The following DLG2 variants were observed in gnomAD, a reference collection of about 807,000 sequenced individuals.
DLG2 encodes disks large homolog 2.
Under a neutral mutation model 132.5 loss-of-function variants are expected in DLG2, and 45 were observed. The ratio of observed to expected loss-of-function variants is 0.34; its 90% CI spans 0.27 to 0.44. DLG2 has a LOEUF of 0.44. Ranked by LOEUF, DLG2 falls within the 20% of genes least tolerant of loss-of-function variation. The pLI is 1.00. For synonymous variants in DLG2, 424 were observed against 419.6 expected (o/e 1.01, Z -0.13); for missense variants, 1,045 against 1,196.9 (o/e 0.87, Z 1.87).
chr11:84,664,123 T>C (rs990858091), intron 6 of DLG2, among the ~76,000 whole-genome samples: 3 of 152,214 alleles, frequency 2.0e-5, no homozygotes, highest in East Asian at 3.9e-4. Flanking sequence ...CCATGAAATA[T>C]AGTCTTAACA....
At chr11:83,825,854 T>G (rs2153987777) in intron 17 of DLG2, among the ~76,000 whole-genome samples, 1 of 152,326 alleles carries the variant, frequency 6.6e-6, no homozygotes, top group South Asian at 2.1e-4. Context: ...GTCTGGCATC[T>G]GTGGCACTAC....
chr11:85,055,879 T>C lies in DLG2; in HGVS notation c.357+55782A>G, dbSNP rs181611024. 1.5e-3 allele frequency among the ~76,000 whole-genome samples: 230 copies of C among 152,194 alleles called. 2 individuals carry two copies. The highest frequency in any genetic ancestry group is 5.4e-3 in the African/African-American group (224 of 41,528). On this transcript the variant is annotated intron_variant, in intron 6 of 27. Coordinates refer to ENST00000376104, the MANE Select transcript of DLG2 (RefSeq NM_001142699.3). ...TTAGGGTTAAGGTTGGGGATAGATA[T>C]AGGGGAACAAACTAAAAATAGAACT...
At chr11:84,274,150 T>C (rs2097763235) in intron 7 of DLG2, among the ~76,000 whole-genome samples, 1 of 152,084 alleles carries the variant, frequency 6.6e-6, no homozygotes, top group South Asian at 2.1e-4. Flanking sequence ...ATGAACAGAA[T>C]TTAGGGACAT....
chr11:83,975,323 A>G (rs1460855863), intron 12 of DLG2, among the ~76,000 whole-genome samples: 1 of 152,048 alleles, frequency 6.6e-6, no homozygotes, highest in African/African-American at 2.4e-5. Context: ...ACAATCCACA[A>G]AATCCAATGT....
intron 7 of DLG2, among the ~76,000 whole-genome samples, chr11:84,284,448 C>G (rs2097887046): frequency 6.6e-6 from 1 of 152,184 alleles, no homozygotes; most frequent in South Asian, 2.1e-4. Flanking sequence ...GCTTAAGAGA[C>G]GCGAGTCATC....
chr11:84,491,350 G>A (rs778227052), intron 7 of DLG2, among the ~76,000 whole-genome samples: 8 of 151,986 alleles, frequency 5.3e-5, no homozygotes, highest in East Asian at 1.9e-4. Context: ...TTTGCCTGCC[G>A]CCATCCACGT....
At chr11:85,355,777 C>G (rs1056831995) in intron 3 of DLG2, among the ~76,000 whole-genome samples, 1 of 152,112 alleles carries the variant, frequency 6.6e-6, no homozygotes, top group African/African-American at 2.4e-5. Flanking sequence ...TAACAATTTC[C>G]CATGATTCCT....
At chr11:84,690,465 AAAAAG>A (rs2153724018) in intron 6 of DLG2, among the ~76,000 whole-genome samples, 1 of 151,898 alleles carries the variant, frequency 6.6e-6, no homozygotes, top group Admixed American at 6.6e-5. Flanking sequence ...AAAAAAAAAG[AAAAAG>A]AAAAGTCACT....
intron 6 of DLG2, among the ~76,000 whole-genome samples, chr11:84,928,305 C>T (rs1407580626): frequency 1.3e-5 from 2 of 151,852 alleles, no homozygotes; most frequent in African/African-American, 2.4e-5. Context: ...GGTTTAAATT[C>T]CTTTTCTTGC....
At chr11:84,607,865 G>T (rs1052910080) in intron 6 of DLG2, among the ~76,000 whole-genome samples, 7 of 151,946 alleles carry the variant, frequency 4.6e-5, no homozygotes, top group Non-Finnish European at 1.5e-5. Context: ...AAATGTTAGT[G>T]GTCTCCCCTC....
At chr11:85,295,509 G>T (rs192522558) in intron 3 of DLG2, among the ~76,000 whole-genome samples, 1 of 152,122 alleles carries the variant, frequency 6.6e-6, no homozygotes, top group Non-Finnish European at 1.5e-5. Context: ...TGTTAGAGAT[G>T]GAGAAACTGA....
chr11:85,323,339 A>G (rs1210713020), intron 3 of DLG2, among the ~76,000 whole-genome samples: 1 of 152,258 alleles, frequency 6.6e-6, no homozygotes, highest in Non-Finnish European at 1.5e-5. Flanking sequence ...TGTTGCACAG[A>G]TAATTACTTA....
At chr11:85,150,781 C>G (rs577735881) in intron 5 of DLG2, among the ~76,000 whole-genome samples, 7 of 148,326 alleles carry the variant, frequency 4.7e-5, no homozygotes, top group African/African-American at 1.7e-4. Flanking sequence ...CTTCTGTTAA[C>G]GGACATTTGG....
At chr11:84,389,787 G>A (rs1434755801) in intron 7 of DLG2, among the ~76,000 whole-genome samples, 2 of 152,120 alleles carry the variant, frequency 1.3e-5, no homozygotes, top group African/African-American at 4.8e-5. Flanking sequence ...AATTCCTACA[G>A]TAAGAAATGC....
At chr11:83,653,475 ATTTAT>A (rs770503360) in intron 18 of DLG2, among the ~76,000 whole-genome samples, 6 of 152,162 alleles carry the variant, frequency 3.9e-5, no homozygotes, top group Non-Finnish European at 8.8e-5. Context: ...CCCAAATTAA[ATTTAT>A]TTTGTCTGTA....
intron 18 of DLG2, among the ~76,000 whole-genome samples, chr11:83,736,163 T>C (rs1214491989): frequency 1.3e-5 from 2 of 152,202 alleles, no homozygotes; most frequent in African/African-American, 2.4e-5. Context: ...ATGAGGAGCA[T>C]GATAGTATAT....
intron 3 of DLG2, among the ~76,000 whole-genome samples, chr11:85,417,970 T>G (rs1216564303): frequency 6.6e-6 from 1 of 152,160 alleles, no homozygotes; most frequent in East Asian, 1.9e-4. Flanking sequence ...TATTTCTTGC[T>G]TTCTGCTATT....
chr11:84,737,502 C>CAGAGAG (rs34535735), intron 6 of DLG2, among the ~76,000 whole-genome samples: 71 of 147,100 alleles, frequency 4.8e-4, no homozygotes, highest in Non-Finnish European at 6.0e-4. Flanking sequence ...AAGAAAGAGA[C>CAGAGAG]AGAGAGAGAG....
At chr11:85,589,951 C>T (rs1344516005) in intron 3 of DLG2, among the ~76,000 whole-genome samples, 1 of 152,080 alleles carries the variant, frequency 6.6e-6, no homozygotes, top group Non-Finnish European at 1.5e-5. Flanking sequence ...AGTATCTAAA[C>T]ATTTTTTAAT....
Sources: gnomAD v4.1 joint callset for allele counts (sites outside exome capture counted in the v4.1 genomes callset) on GRCh38, gnomAD v4.1.1 for gene constraint, MANE v1.5 for transcripts, NCBI Gene and HGNC (gene_info 2026-07-23, HGNC 2026-07-21) for gene names.